Variants in IRF2 observed in about 807,000 individuals in gnomAD.
The protein encoded by IRF2 is interferon regulatory factor 2.
IRF2 carries 15 observed loss-of-function variants against 40.6 expected under a neutral mutation model. The ratio of observed to expected loss-of-function variants is 0.37; its 90% confidence interval spans 0.25 to 0.57. The LOEUF is 0.57. IRF2 is among the 20% of genes least tolerant of loss of function. The pLI is 0.77. For synonymous variants in IRF2, 151 were observed against 165.5 expected (o/e 0.91, Z 0.67); for missense variants, 317 against 455.7 (o/e 0.70, Z 2.77).
chr4:184,393,218 T>C (rs1451275744), intron 7 of IRF2, among the ~76,000 whole-genome samples: 1 of 152,188 alleles, frequency 6.6e-6, no homozygotes, highest in African/African-American at 2.4e-5. Context: ...TACTTCTGAT[T>C]CCAGGGCCTG....
At chr4:184,437,612 G>C (rs1303812385) in intron 1 of IRF2, among the ~76,000 whole-genome samples, 1 of 152,218 alleles carries the variant, frequency 6.6e-6, no homozygotes, top group Non-Finnish European at 1.5e-5. Flanking sequence ...CACGCCTCTA[G>C]ATGAGGAGGC....
intron 2 of IRF2, among the ~76,000 whole-genome samples, chr4:184,427,466 C>A (rs566312939): frequency 6.6e-6 from 1 of 152,230 alleles, no homozygotes; most frequent in East Asian, 1.9e-4. Context: ...CCAGTCTGGG[C>A]AACATAGTGA....
intron 1 of IRF2, among the ~76,000 whole-genome samples, chr4:184,458,412 T>G (rs778435484): frequency 6.6e-6 from 1 of 152,216 alleles, no homozygotes; most frequent in Non-Finnish European, 1.5e-5. Flanking sequence ...AGCATAGGGC[T>G]TCACACACAG....
intron 7 of IRF2, among the ~76,000 whole-genome samples, chr4:184,397,357 T>C (rs1736504995): frequency 6.6e-6 from 1 of 152,134 alleles, no homozygotes; most frequent in African/African-American, 2.4e-5. Flanking sequence ...AAAAGAGGAC[T>C]TAGTGTTTAA....
At chr4:184,445,188 C>T (rs1738458747) in intron 1 of IRF2, among the ~76,000 whole-genome samples, 2 of 152,190 alleles carry the variant, frequency 1.3e-5, no homozygotes, top group African/African-American at 2.4e-5. Context: ...AACTGGGCCT[C>T]TGGGGGGCGG....
chr4:184,422,390 G>C (rs1737514533), intron 2 of IRF2, among the ~76,000 whole-genome samples: 1 of 152,220 alleles, frequency 6.6e-6, no homozygotes, highest in Non-Finnish European at 1.5e-5. Context: ...CCTCAAGAAA[G>C]TGAAACACAG....
In IRF2 at chr4:184,390,744, C is replaced by T. The variant is rs1298253867; in HGVS notation, c.700G>A (p.Glu234Lys). The T allele has an allele frequency of 3.1e-6, 5 of 1,614,196 alleles. No individual in the cohort carries two copies. The highest frequency in any genetic ancestry group is 4.5e-5 in the East Asian group (2 of 44,888). The change falls in exon 8 of 9, where the codon GAA (glutamate) becomes AAA (lysine). Residue 234 changes from glutamate (E) to lysine (K), a missense_variant. Around this residue, in one of 2 missense-constraint regions of IRF2, gnomAD observed 262 missense variants for 334.0 expected, o/e 0.78. Transcript: ENST00000393593. ...ISPVSSYAESETTDSVPSDEE... is the reference protein window; with the variant it reads ...ISPVSSYAESKTTDSVPSDEE... ...TCGCTGGGCACACTATCAGTCGTTTCGCTTTCTGTTCACAGAGAGAAAAAC... is the reference window on the plus strand; with the variant it reads ...TCGCTGGGCACACTATCAGTCGTTTTGCTTTCTGTTCACAGAGAGAAAAAC...
chr4:184,438,860 A>G (rs572240221), intron 1 of IRF2, among the ~76,000 whole-genome samples: 20 of 152,308 alleles, frequency 1.3e-4, no homozygotes, highest in African/African-American at 4.8e-4. Context: ...GAGAGGAAGC[A>G]TGGCCTGAGA....
intron 2 of IRF2, among the ~76,000 whole-genome samples, chr4:184,425,976 G>GTTTTTTTT (rs199619909): frequency 1.3e-4 from 9 of 66,998 alleles, no homozygotes; most frequent in Non-Finnish European, 2.4e-4. Context: ...GCTCACTCCG[G>GTTTTTTTT]TTTTTGTTTG....
At chr4:184,472,106 A>G (rs1739531534) in intron 1 of IRF2, 1 of 152,220 alleles carries the variant, frequency 6.6e-6, no homozygotes, top group African/African-American at 2.4e-5. Context: ...AGATGTTCCA[A>G]CGTTCCCCCT....
rs535197858 is a variant in IRF2 at position 184,427,838 on chromosome 4, T to C, written c.87+1140A>G. On this transcript the variant is annotated intron_variant, in intron 2 of 8. Coordinates refer to ENST00000393593, the MANE Select transcript of IRF2 (RefSeq NM_002199.4). ...TCTGGCTCTAAGCTCTTGTACCTGA[T>C]ACAAAGATAAAGCCTGGCCAGCTAA... Among the ~76,000 whole-genome samples, 7 of 152,302 alleles carry C rather than the reference T, an allele frequency of 4.6e-5. 2 individuals are homozygous for C. The highest frequency in any genetic ancestry group is 1.7e-4 in the African/African-American group (7 of 41,566).
intron 7 of IRF2, among the ~76,000 whole-genome samples, chr4:184,391,016 G>C (rs1736242073): frequency 6.6e-6 from 1 of 152,210 alleles, no homozygotes; most frequent in African/African-American, 2.4e-5. Context: ...AAGGGGCGCT[G>C]GTCCCTGGGG....
intron 1 of IRF2, among the ~76,000 whole-genome samples, chr4:184,433,709 A>G (rs1041456216): frequency 1.3e-5 from 2 of 152,222 alleles, no homozygotes; most frequent in African/African-American, 4.8e-5. Context: ...ATGAGACTCA[A>G]TGAAAAGCTA....
chr4:184,396,165 C>G (rs185863109), intron 7 of IRF2, among the ~76,000 whole-genome samples: 1 of 152,318 alleles, frequency 6.6e-6, no homozygotes, highest in African/African-American at 2.4e-5. Flanking sequence ...TTTCACGCTT[C>G]GGTTAGCTCT....
chr4:184,419,728 C>G (rs1433923117), intron 2 of IRF2, among the ~76,000 whole-genome samples, 160 bp from the exon 3 acceptor site: 3 of 152,158 alleles, frequency 2.0e-5, no homozygotes, highest in Non-Finnish European at 4.4e-5. Flanking sequence ...AAACCCACTT[C>G]CCCCGCTGGA....
At chr4:184,472,229 A>G (rs1319788270) in intron 1 of IRF2, 1 of 152,204 alleles carries the variant, frequency 6.6e-6, no homozygotes, top group Admixed American at 6.5e-5. Context: ...CACTAAAAGA[A>G]GAATAAAGGA....
chr4:184,429,548 A>T (rs183108876), intron 1 of IRF2, among the ~76,000 whole-genome samples: 15 of 152,280 alleles, frequency 9.9e-5, no homozygotes. Context: ...TCAACCCCCA[A>T]TATTAACATT....
rs1448871797 is a variant in IRF2, at chr4:184,448,403, G to T, written c.-6-19333C>A. On this transcript the variant is annotated intron_variant, in intron 1 of 8. Transcript: ENST00000393593. The surrounding 1 kb of genome is among the most constrained non-coding windows in gnomAD (Gnocchi z 4.3). ...AATTAGCTGAACAAGGAGGCTCTAA[G>T]CTTCATTTCCTGGGGGAGATGAGGA... Among the ~76,000 whole-genome samples the T allele has an allele frequency of 6.6e-6, 1 of 152,174 alleles. No homozygotes were observed. The highest frequency in any genetic ancestry group is 1.5e-5 in the Non-Finnish European group (1 of 68,034).
At chr4:184,441,118 G>A (rs972396245) in intron 1 of IRF2, among the ~76,000 whole-genome samples, 3 of 152,148 alleles carry the variant, frequency 2.0e-5, no homozygotes, top group African/African-American at 4.8e-5. Context: ...GAGTTAGCAC[G>A]CATCTTACAC....
Sources: gnomAD v4.1 joint callset for allele counts (sites outside exome capture counted in the v4.1 genomes callset) on GRCh38, gnomAD v4.1.1 for gene constraint, gnomAD v4.1.1 regional missense constraint, Gnocchi (gnomAD v3.1) non-coding constraint, MANE v1.5 for transcripts, NCBI Gene and HGNC (gene_info 2026-07-23, HGNC 2026-07-21) for gene names.